The following SLAMF7 variants were observed in gnomAD, a reference collection of about 807,000 sequenced individuals.
SLAMF7 encodes the protein SLAM family member 7.
A neutral mutation model predicts 34.1 loss-of-function variants in SLAMF7; 26 were observed. That is an observed-to-expected ratio of 0.76 (90% CI 0.56 to 1.06). SLAMF7 has a LOEUF of 1.06. Ranked by LOEUF, SLAMF7 falls within the 50% of genes least tolerant of loss-of-function variation. The pLI, the probability that SLAMF7 is intolerant of heterozygous loss-of-function variation, is 0.00. For missense variants in SLAMF7, 399 were observed against 402.5 expected, an observed-to-expected ratio of 0.99 and a Z score of 0.07; for synonymous variants, 171 against 156.4, an observed-to-expected ratio of 1.09 and a Z score of -0.70.
At chr1:160,739,189 C>T (rs1055020749), upstream of SLAMF7, 29 of 918,452 alleles carry the variant, frequency 3.2e-5, no homozygotes, top group African/African-American at 2.9e-4. Context: ...CTCAATCTCA[C>T]ATGTCTGCGG....
intron 1 of SLAMF7, among the ~76,000 whole-genome samples, chr1:160,740,261 G>A (rs1489488200): frequency 6.8e-6 from 1 of 147,202 alleles, no homozygotes; most frequent in Non-Finnish European, 1.5e-5. Flanking sequence ...TAACCAGGTG[G>A]TTCTGGAATA....
intron 1 of SLAMF7, among the ~76,000 whole-genome samples, chr1:160,746,240 G>A (rs553704801): frequency 1.2e-4 from 19 of 152,198 alleles, no homozygotes; most frequent in East Asian, 1.2e-3. Flanking sequence ...AATCCAGCCC[G>A]GATCACATTC....
At chr1:160,751,852 CTCTCTCTCT>C (rs1664629355) in intron 5 of SLAMF7, 2 of 62,122 alleles carry the variant, frequency 3.2e-5, no homozygotes, top group Admixed American at 1.7e-4. Context: ...CTCTCTCTCT[CTCTCTCTCT>C]CTATATATAT....
intron 4 of SLAMF7, 107 bp downstream of exon 4, chr1:160,750,530 A>G: frequency 4.5e-6 from 6 of 1,329,804 alleles, no homozygotes; most frequent in Non-Finnish European, 6.2e-6. Flanking sequence ...GAGGTGTTGA[A>G]GATGCAGAGA....
chr1:160,748,565 G>A lies in SLAMF7; in HGVS notation c.376+51G>A, dbSNP rs754078585. 5 of 1,519,130 alleles carry A rather than the reference G, an allele frequency of 3.3e-6. No individual in the cohort carries two copies. In the Admixed American group the frequency reaches 9.0e-5, roughly 27 times the overall value. 94.1% of individuals were successfully genotyped at this position (1,519,130 alleles called of 1,614,324 possible). On this transcript the variant is annotated intron_variant, in intron 2 of 6. Coordinates refer to ENST00000368043, the MANE Select transcript of SLAMF7 (RefSeq NM_021181.5). ...GATGGCTGCCTTGGTGAGGTGGTGA[G>A]CTCCTTGACATGAGAGATGTTTAAG...
rs763697612 is a variant in SLAMF7 at position 160,750,074 on chromosome 1, T to C, written c.630T>C (p.Leu210=). The C allele has an allele frequency of 6.2e-7, 1 of 1,613,998 alleles. No individual in the cohort carries two copies. The highest frequency in any genetic ancestry group is 8.5e-7 in the Non-Finnish European group (1 of 1,179,950). The change falls in exon 3 of 7, where the codon CTT becomes CTC. Residue 210 remains leucine (L), a synonymous_variant. Transcript: ENST00000368043. ...PVSRNFSSPI[L]ARKLCEGAAD... ...GCAGAAACTTCTCAAGCCCCATCCT[T>C]GCCAGGAAGCTCTGTGAAGGTGACT... is the stretch of plus-strand genomic sequence containing the variant.
chr1:160,753,039 G>T, intron 6 of SLAMF7, 67 bp from the exon 7 acceptor site: 6 of 1,438,382 alleles, frequency 4.2e-6, no homozygotes, highest in Middle Eastern at 3.5e-4. Flanking sequence ...TGGATGTCAG[G>T]GTCTCCATGG....
chr1:160,751,894 A>G, intron 5 of SLAMF7: 1 of 140,132 alleles, frequency 7.1e-6, no homozygotes, highest in Non-Finnish European at 1.5e-5. Flanking sequence ...ATATATATAT[A>G]TATATATACA....
chr1:160,748,339 G>A lies in SLAMF7; in HGVS notation c.201G>A (p.Gly67=). ...CTCTTGTCACCATACAGCCAGAAGG[G>A]GGCACTATCATAGTGACCCAAAATC... ...TTPLVTIQPE[G]GTIIVTQNRN... The change falls in exon 2 of 7, where the codon GGG becomes GGA. Residue 67 remains glycine (G), a synonymous_variant. Coordinates refer to ENST00000368043, the MANE Select transcript of SLAMF7 (RefSeq NM_021181.5). The A allele has an allele frequency of 1.9e-6, 3 of 1,613,984 alleles. No individual in the cohort carries two copies. The highest frequency in any genetic ancestry group is 2.5e-6 in the Non-Finnish European group (3 of 1,179,952).
chr1:160,748,284 A>T lies in SLAMF7; in HGVS notation c.146A>T (p.Asp49Val). 1 of 1,613,786 alleles carries T rather than the reference A, an allele frequency of 6.2e-7. No individual in the cohort carries two copies. The highest frequency in any genetic ancestry group is 8.5e-7 in the Non-Finnish European group (1 of 1,179,908). Residue 49 changes from aspartate to valine, a missense_variant, in exon 2 of 7, where the codon GAC (aspartate) becomes GTC (valine). Coordinates refer to ENST00000368043, the MANE Select transcript of SLAMF7 (RefSeq NM_021181.5). ...CTGAAGTCCAAAGTAAAGCAAGTTG[A>T]CTCTATTGTCTGGACCTTCAACACA... Reference protein sequence around the residue: ...FPLKSKVKQVDSIVWTFNTTP... With the variant: ...FPLKSKVKQVVSIVWTFNTTP...
intron 6 of SLAMF7, 85 bp downstream of exon 6, chr1:160,752,333 G>T (rs1050555719): frequency 2.9e-6 from 3 of 1,051,772 alleles, no homozygotes; most frequent in Non-Finnish European, 4.4e-6. Flanking sequence ...CTTGGACCCA[G>T]GTATCTCATA....
chr1:160,742,608 A>G (rs990613577), intron 1 of SLAMF7, among the ~76,000 whole-genome samples: 3 of 152,136 alleles, frequency 2.0e-5, no homozygotes, highest in East Asian at 1.9e-4. Context: ...TTCACACTTC[A>G]TCTTCCCCAA....
rs564635269 is a variant in SLAMF7 at position 160,750,649 on chromosome 1, G to GT, written c.769+228dup. On this transcript the variant is annotated intron_variant, in intron 4 of 6. Transcript: ENST00000368043. ...CTTTCCCAAGGACACGGTTCTCCCA[G>GT]TTCCCTTTCCAGGGCTCACTTCTCT... is the stretch of plus-strand genomic sequence containing the variant. 139 of 442,878 alleles carry GT rather than the reference G, an allele frequency of 3.1e-4. 1 individual carries two copies. The highest frequency in any genetic ancestry group is 2.5e-3 in the African/African-American group (127 of 49,838). The allele number at this position is 442,878 out of a possible 1,614,324, so 27.4% of individuals were successfully genotyped here.
chr1:160,742,038 GC>G (rs1482979474), intron 1 of SLAMF7, among the ~76,000 whole-genome samples: 8 of 152,000 alleles, frequency 5.3e-5, no homozygotes, highest in Non-Finnish European at 1.2e-4. Flanking sequence ...CAGGAGGCAG[GC>G]TTTTCCACTC....
rs780748006 is a variant in SLAMF7 at position 160,749,826 on chromosome 1, C to T, written c.382C>T (p.Leu128=). The part of the protein sequence containing the change: ...QEYVLHVYEH[L]SKPKVTMGLQ... ...GGTTTTCCTTCCTCTCACAGAGCACCTGTCAAAGCCTAAAGTCACCATGGG... is the reference window on the plus strand; with the variant it reads ...GGTTTTCCTTCCTCTCACAGAGCACTTGTCAAAGCCTAAAGTCACCATGGG... Residue 128 remains leucine (L), a synonymous_variant, in exon 3 of 7, where the codon CTG becomes TTG. Transcript: ENST00000368043. 5 of 1,584,104 alleles carry T rather than the reference C, an allele frequency of 3.2e-6. No homozygotes were observed. Among genetic ancestry groups the T allele is most frequent in the African/African-American group, 1.4e-5 (1 of 73,592 alleles).
intron 1 of SLAMF7, among the ~76,000 whole-genome samples, chr1:160,745,226 C>T (rs1475926040): frequency 6.6e-6 from 1 of 152,174 alleles, no homozygotes; most frequent in African/African-American, 2.4e-5. Context: ...CAGATTTCCT[C>T]ACCCTGGGGC....
intron 1 of SLAMF7, among the ~76,000 whole-genome samples, chr1:160,740,359 A>G (rs1348090295): frequency 6.6e-6 from 1 of 151,834 alleles, no homozygotes; most frequent in African/African-American, 2.4e-5. Flanking sequence ...GATAAGGTGG[A>G]GGGGTTGGGG....
At chr1:160,744,440 C>T (rs930118759) in intron 1 of SLAMF7, among the ~76,000 whole-genome samples, 2 of 152,184 alleles carry the variant, frequency 1.3e-5, no homozygotes, top group Non-Finnish European at 2.9e-5. Context: ...ACAATATACT[C>T]CATCTATAGG....
chr1:160,743,831 G>A (rs1440691043), intron 1 of SLAMF7, among the ~76,000 whole-genome samples: 1 of 152,144 alleles, frequency 6.6e-6, no homozygotes, highest in Non-Finnish European at 1.5e-5. Flanking sequence ...TGGGACCACA[G>A]GTGAATGCCA....
Sources: allele counts gnomAD v4.1 joint callset (sites outside exome capture counted in the v4.1 genomes callset), GRCh38; gene constraint gnomAD v4.1.1; transcripts MANE v1.5; gene names NCBI Gene and HGNC (gene_info 2026-07-23, HGNC 2026-07-21).